The following UBE3A variants were observed in gnomAD, a reference collection of about 807,000 sequenced individuals.
The protein encoded by UBE3A is ubiquitin-protein ligase E3A.
A neutral mutation model predicts 83.4 loss-of-function variants in UBE3A; 6 were observed. The ratio of observed to expected loss-of-function variants is 0.07; its 90% CI spans 0.04 to 0.14. The LOEUF (loss-of-function observed/expected upper bound fraction) is 0.14. Ranked by LOEUF, UBE3A falls within the 10% of genes least tolerant of loss-of-function variation. The pLI, the probability that UBE3A is intolerant of heterozygous loss-of-function variation, is 1.00. For synonymous variants in UBE3A, 337 were observed against 355.4 expected, an observed-to-expected ratio of 0.95 and a Z score of 0.58; for missense variants, 456 against 1,036.1, an observed-to-expected ratio of 0.44 and a Z score of 7.69.
chr15:25,346,320 A>T (rs1170366700), intron 11 of UBE3A: 3 of 152,704 alleles, frequency 2.0e-5, no homozygotes, highest in Non-Finnish European at 4.4e-5. Flanking sequence ...AAAAGCAACA[A>T]ACCAAAACAG....
intron 1 of UBE3A, among the ~76,000 whole-genome samples, chr15:25,427,757 A>T (rs1172677289): frequency 7.3e-6 from 1 of 137,908 alleles, no homozygotes; most frequent in African/African-American, 2.7e-5. Context: ...ATGGCACTGC[A>T]CTCCAGCCTG....
At chr15:25,381,696 T>C (rs1021002772) in intron 4 of UBE3A, among the ~76,000 whole-genome samples, 3 of 152,194 alleles carry the variant, frequency 2.0e-5, no homozygotes, top group East Asian at 1.9e-4. Context: ...TTCTGAGACG[T>C]TGCAAAACTC....
chr15:25,341,176 TGTCCTGCCTCAG>T (rs1164313427), intron 11 of UBE3A, among the ~76,000 whole-genome samples: 31 of 152,004 alleles, frequency 2.0e-4, no homozygotes, highest in Admixed American at 3.9e-4. Context: ...TTCGCGCCAT[TGTCCTGCCTCAG>T]CCTCCCAAGT....
intron 2 of UBE3A, among the ~76,000 whole-genome samples, chr15:25,409,743 C>T (rs1457112198): frequency 1.3e-5 from 2 of 152,028 alleles, no homozygotes; most frequent in Non-Finnish European, 1.5e-5. Context: ...CTTTCAAATA[C>T]GGACAAATTC....
chr15:25,396,079 G>A (rs1007783195), intron 4 of UBE3A, among the ~76,000 whole-genome samples: 4 of 151,902 alleles, frequency 2.6e-5, no homozygotes, highest in Non-Finnish European at 5.9e-5. Context: ...GCACATGCCT[G>A]TAATCTCAGC....
chr15:25,334,605 G>GAAAAAA lies in UBE3A; in HGVS notation c.*4526_*4531dup, dbSNP rs5811379. The stretch of plus-strand genomic sequence containing the variant: ...CCAAAACAGACAAAATGATTTTGGG[G>GAAAAAA]AAAAAAAAAAAAAAAATGGAGGACT... On this transcript the variant is annotated 3_prime_UTR_variant, in exon 13 of 13. Transcript: ENST00000648336. 7.0e-6 allele frequency: 1 copy of GAAAAAA among 142,188 alleles called. No individual in the cohort carries two copies. The highest frequency in any genetic ancestry group is 1.5e-5 in the Non-Finnish European group (1 of 65,036). The allele number at this position is 142,188 out of a possible 1,614,324, so 8.8% of individuals were successfully genotyped here. A position where few individuals can be genotyped will look rare whatever the true frequency, so the allele number is the denominator to read the frequency against.
At chr15:25,340,833 T>A (rs1045744957) in intron 11 of UBE3A, among the ~76,000 whole-genome samples, 1 of 152,174 alleles carries the variant, frequency 6.6e-6, no homozygotes, top group African/African-American at 2.4e-5. Context: ...AAACAAGTAA[T>A]ATGTGCTGTG....
At chr15:25,354,061 ATCT>A in intron 11 of UBE3A, 1 of 448,980 alleles carries the variant, frequency 2.2e-6, no homozygotes, top group South Asian at 2.7e-5. Context: ...TATTTTAATT[ATCT>A]TCTAACCAGC....
intron 4 of UBE3A, among the ~76,000 whole-genome samples, chr15:25,401,803 T>C (rs940068613): frequency 2.6e-5 from 4 of 152,194 alleles, no homozygotes; most frequent in Non-Finnish European, 5.9e-5. Context: ...TCTTTTGAGT[T>C]CAGATTCTTT....
At chr15:25,364,633 T>G (rs66603513) in intron 6 of UBE3A, among the ~76,000 whole-genome samples, 17,126 of 136,580 alleles carry the variant, frequency 0.13, 1,088 homozygotes, top group Middle Eastern at 0.22. Flanking sequence ...ATTTTTAGGG[T>G]TTTTTTTGTT....
chr15:25,398,774 TA>T (rs2086236459), intron 4 of UBE3A, among the ~76,000 whole-genome samples: 1 of 17,980 alleles, frequency 5.6e-5, no homozygotes, highest in Non-Finnish European at 9.7e-5. Context: ...CTTTTATTTA[TA>T]TATATATATA....
intron 4 of UBE3A, 27 bp downstream of exon 4, chr15:25,405,434 C>G: frequency 6.2e-7 from 1 of 1,613,400 alleles, no homozygotes; most frequent in Non-Finnish European, 8.5e-7. Flanking sequence ...AAAATAAGAA[C>G]CACAGTCTCA....
chr15:25,375,685 C>T lies in UBE3A; in HGVS notation c.141G>A (p.Thr47=), dbSNP rs760283316. The T allele has an allele frequency of 1.5e-5, 25 of 1,614,142 alleles. No individual in the cohort carries two copies. The highest frequency in any genetic ancestry group is 2.2e-5 in the East Asian group (1 of 44,882). ...TTGGACAGGAAGCACAAAACTCATT[C>T]GTGCAGGCTTCATTTCCACAGCCCT... ...LTEGCGNEAC[T]NEFCASCPTF... The change falls in exon 5 of 13, where the codon ACG becomes ACA. Residue 47 remains threonine, a synonymous_variant. Transcript: ENST00000648336.
chr15:25,399,343 T>TA (rs1221135001), intron 4 of UBE3A, among the ~76,000 whole-genome samples: 12 of 152,152 alleles, frequency 7.9e-5, no homozygotes, highest in Non-Finnish European at 5.9e-5. Context: ...TCAGGTCTTA[T>TA]ATTTAAGACC....
At position 25,336,790 on chromosome 15, in the gene UBE3A, T is replaced by TC. The variant is rs2073983071; in HGVS notation, c.*2346dup. 1 of 152,172 alleles carries TC rather than the reference T, an allele frequency of 6.6e-6. No individual in the cohort carries two copies. Among genetic ancestry groups the TC allele is most frequent in the Non-Finnish European group, 1.5e-5 (1 of 68,022 alleles). The allele number at this position is 152,172 out of a possible 1,614,324, so 9.4% of individuals were successfully genotyped here. On this transcript the variant is annotated 3_prime_UTR_variant, in exon 13 of 13. Transcript: ENST00000648336. The stretch of plus-strand genomic sequence containing the variant: ...TACTTTAGTTTATGGTTCCTTTTTT[T>TC]CCCTCCAGAGCTTCCTGGAGATTGA...
intron 1 of UBE3A, among the ~76,000 whole-genome samples, chr15:25,428,196 A>T (rs1460680849): frequency 1.3e-5 from 2 of 152,226 alleles, no homozygotes; most frequent in Non-Finnish European, 2.9e-5. Context: ...CACTTAAAAA[A>T]GATGGTAAAT....
chr15:25,362,872 T>G (rs956680645), intron 6 of UBE3A, among the ~76,000 whole-genome samples: 1 of 152,178 alleles, frequency 6.6e-6, no homozygotes, highest in Non-Finnish European at 1.5e-5. Context: ...ATACTTGCTT[T>G]TATCAAATAT....
chr15:25,433,445 C>G (rs1030860529), intron 1 of UBE3A, among the ~76,000 whole-genome samples: 13 of 152,184 alleles, frequency 8.5e-5, no homozygotes, highest in Non-Finnish European at 1.5e-4. Flanking sequence ...CTCGGCTTCC[C>G]AAAGTGCTGG....
chr15:25,407,826 C>T (rs1185613453), intron 3 of UBE3A: 1 of 152,120 alleles, frequency 6.6e-6, no homozygotes, highest in Non-Finnish European at 1.5e-5. Context: ...ATTTTTCTTG[C>T]AGTAATTTAT....
Sources: allele counts gnomAD v4.1 joint callset (sites outside exome capture counted in the v4.1 genomes callset), GRCh38; gene constraint gnomAD v4.1.1; transcripts MANE v1.5; gene names NCBI Gene and HGNC (gene_info 2026-07-23, HGNC 2026-07-21).